Variants in NEDD4L observed in about 807,000 individuals in gnomAD.
NEDD4L encodes NEDD4 like E3 ubiquitin protein ligase, also known as E3 ubiquitin-protein ligase NEDD4-like.
A neutral mutation model predicts 148.9 loss-of-function variants in NEDD4L; 54 were observed. The observed-to-expected ratio is 0.36, with a 90% confidence interval of 0.29 to 0.45. The LOEUF is 0.45. NEDD4L is among the 20% of genes least tolerant of loss of function. The pLI, the probability that NEDD4L is intolerant of heterozygous loss-of-function variation, is 1.00. For missense variants in NEDD4L, 856 were observed against 1,233.8 expected, an observed-to-expected ratio of 0.69 and a Z score of 4.59; for synonymous variants, 433 against 440.7, an observed-to-expected ratio of 0.98 and a Z score of 0.22.
At chr18:58,102,815 A>G (rs565583355) in intron 1 of NEDD4L, among the ~76,000 whole-genome samples, 61 of 152,280 alleles carry the variant, frequency 4.0e-4, no homozygotes, top group African/African-American at 1.4e-3. Flanking sequence ...GAATTTTAGT[A>G]TCCTCAGGTG....
intron 5 of NEDD4L, chr18:58,314,670 T>C (rs971558417): frequency 6.6e-6 from 1 of 152,208 alleles, no homozygotes; most frequent in African/African-American, 2.4e-5. Flanking sequence ...TTGTAGTAGA[T>C]ACAGCTAAGA....
chr18:58,396,816 G>A lies in NEDD4L; in HGVS notation c.*547G>A, dbSNP rs550800376. ...CTCCACCCTCTACTTTATTAGAATT[G>A]GAAGGCAAATTTTTGTCCAAAAACC... On this transcript the variant is annotated 3_prime_UTR_variant, in exon 31 of 31. Coordinates refer to ENST00000400345, the MANE Select transcript of NEDD4L (RefSeq NM_001144967.3). 1 of 150,430 alleles carries A rather than the reference G, an allele frequency of 6.6e-6. No individual in the cohort carries two copies. The highest frequency in any genetic ancestry group is 2.0e-4 in the East Asian group (1 of 5,110). 9.3% of individuals were successfully genotyped at this position (150,430 alleles called of 1,614,324 possible).
intron 9 of NEDD4L, among the ~76,000 whole-genome samples, chr18:58,327,511 A>G (rs762361583): frequency 6.6e-6 from 1 of 152,246 alleles, no homozygotes; most frequent in Non-Finnish European, 1.5e-5. Context: ...TGAGCCAGGA[A>G]GGACACAGCA....
intron 2 of NEDD4L, among the ~76,000 whole-genome samples, chr18:58,178,133 A>G (rs755907035): frequency 6.6e-6 from 1 of 152,162 alleles, no homozygotes. Context: ...GTTATAAGCC[A>G]TTGATTTTCT....
At chr18:58,282,143 GTCTC>G (rs1032297622) in intron 5 of NEDD4L, among the ~76,000 whole-genome samples, 1 of 151,118 alleles carries the variant, frequency 6.6e-6, no homozygotes, top group African/African-American at 2.5e-5. Context: ...GTTGGCAAAG[GTCTC>G]TCTGAGTTTC....
chr18:58,083,623 G>A (rs2083583845), intron 1 of NEDD4L, among the ~76,000 whole-genome samples: 1 of 152,196 alleles, frequency 6.6e-6, no homozygotes, highest in Non-Finnish European at 1.5e-5. Context: ...GGGAGGCAGA[G>A]CTTGCAGTCA....
At chr18:58,201,703 T>C (rs1032046990) in intron 2 of NEDD4L, among the ~76,000 whole-genome samples, 15 of 152,224 alleles carry the variant, frequency 9.9e-5, no homozygotes, top group African/African-American at 3.6e-4. Context: ...TAACTGTCTT[T>C]ATTTGTTCTG....
chr18:58,134,828 G>T (rs1190988792), intron 1 of NEDD4L, among the ~76,000 whole-genome samples: 1 of 150,416 alleles, frequency 6.6e-6, no homozygotes, highest in East Asian at 1.9e-4. Context: ...GAGGAACCTG[G>T]GAGCTACTGA....
rs374377680 is a variant in NEDD4L, at chr18:58,367,706, G to T, written c.2064-40G>T. On this transcript the variant is annotated intron_variant, in intron 21 of 30. Coordinates refer to ENST00000400345, the MANE Select transcript of NEDD4L (RefSeq NM_001144967.3). ...AACAAATATGCAAAATCTTGCATTTGAAAGTGTGATTGGGCTTTTCTTCTC... is the reference window on the plus strand; with the variant it reads ...AACAAATATGCAAAATCTTGCATTTTAAAGTGTGATTGGGCTTTTCTTCTC... 3.1e-6 allele frequency: 5 copies of T among 1,611,052 alleles called. No individual in the cohort carries two copies. In the African/African-American group the frequency reaches 6.7e-5, roughly 22 times the overall value.
At chr18:58,322,548 G>T in intron 7 of NEDD4L, 62 bp downstream of exon 7, 2 of 1,127,218 alleles carry the variant, frequency 1.8e-6, no homozygotes, top group Admixed American at 1.9e-5. Context: ...GTATAGGTGG[G>T]GATGCCTGCC....
intron 13 of NEDD4L, among the ~76,000 whole-genome samples, chr18:58,336,494 G>A (rs1025227901): frequency 2.6e-5 from 4 of 151,842 alleles, no homozygotes; most frequent in African/African-American, 7.3e-5. Flanking sequence ...GGAGAATGGC[G>A]TGAACCCGGG....
chr18:58,383,161 C>T (rs945895266), intron 24 of NEDD4L, 85 bp from the exon 25 acceptor site: 2 of 746,244 alleles, frequency 2.7e-6, no homozygotes, highest in Middle Eastern at 3.5e-4. Context: ...TGTTGTCTTC[C>T]CTTTATAGTA....
In NEDD4L at chr18:58,044,722, C is replaced by A. The variant is rs372316024; in HGVS notation, c.48+14C>A. ...TCCGAAGACGAGGTGAGTGGCACCCCCTTCCTGCTCGGGACTCCCCGGGGA... is the reference window on the plus strand; with the variant it reads ...TCCGAAGACGAGGTGAGTGGCACCCACTTCCTGCTCGGGACTCCCCGGGGA... On this transcript the variant is annotated intron_variant, in intron 1 of 30. Coordinates refer to ENST00000400345, the MANE Select transcript of NEDD4L (RefSeq NM_001144967.3). 119 of 1,604,306 alleles carry A rather than the reference C, an allele frequency of 7.4e-5. No individual in the cohort carries two copies. The highest frequency in any genetic ancestry group is 9.2e-5 in the Non-Finnish European group (108 of 1,175,536).
chr18:58,142,040 C>CTTTT (rs552184742), intron 1 of NEDD4L, among the ~76,000 whole-genome samples: 638 of 41,822 alleles, frequency 0.015, 23 homozygotes, highest in East Asian at 0.031. Context: ...AAATTTCTTT[C>CTTTT]TTTTTTTTTT....
intron 1 of NEDD4L, among the ~76,000 whole-genome samples, chr18:58,052,629 A>G (rs2081924202): frequency 7.2e-6 from 1 of 139,820 alleles, no homozygotes; most frequent in Non-Finnish European, 1.5e-5. Context: ...GAAAAGGGCC[A>G]TTCAAAAGTG....
At chr18:58,196,712 T>C (rs55664567) in intron 2 of NEDD4L, among the ~76,000 whole-genome samples, 11,698 of 81,554 alleles carry the variant, frequency 0.14, 443 homozygotes, top group African/African-American at 0.29. Context: ...CTCTCTCTCT[T>C]TTTTTTTTTT....
intron 1 of NEDD4L, among the ~76,000 whole-genome samples, chr18:58,124,180 G>T (rs530534321): frequency 6.6e-6 from 1 of 152,124 alleles, no homozygotes; most frequent in African/African-American, 2.4e-5. Context: ...GTGACAAGCT[G>T]TCCCTTCTGA....
chr18:58,292,751 CTTA>C (rs951493681), intron 5 of NEDD4L, among the ~76,000 whole-genome samples: 1 of 152,182 alleles, frequency 6.6e-6, no homozygotes, highest in African/African-American at 2.4e-5. Flanking sequence ...AATGAATGAG[CTTA>C]TTATGCATTA....
intron 2 of NEDD4L, among the ~76,000 whole-genome samples, chr18:58,168,108 TAGAA>T (rs1178530238): frequency 6.6e-6 from 1 of 152,208 alleles, no homozygotes; most frequent in Admixed American, 6.5e-5. Context: ...TGATATTAAT[TAGAA>T]AGATAAATCG....
Sources: allele counts gnomAD v4.1 joint callset (sites outside exome capture counted in the v4.1 genomes callset), GRCh38; gene constraint gnomAD v4.1.1; transcripts MANE v1.5; gene names NCBI Gene and HGNC (gene_info 2026-07-23, HGNC 2026-07-21).